The following STX11 variants were observed in gnomAD, a reference collection of about 807,000 sequenced individuals.
The protein encoded by STX11 is syntaxin 11.
In STX11, 21 loss-of-function variants were observed where a neutral mutation model predicts 19.9. The ratio of observed to expected loss-of-function variants is 1.06; its 90% CI spans 0.75 to 1.52. The LOEUF (loss-of-function observed/expected upper bound fraction) is 1.52, where lower values mean the gene tolerates loss of function less well. Ranked by LOEUF, STX11 falls within the 40% of genes most tolerant of loss-of-function variation. STX11 has a pLI of 0.00. For synonymous variants in STX11, 193 were observed against 174.4 expected, an observed-to-expected ratio of 1.11 and a Z score of -0.84; for missense variants, 438 against 405.9, an observed-to-expected ratio of 1.08 and a Z score of -0.68.
Position 144,172,090 on chromosome 6 carries a change from TA to T in STX11, c.-5-14530del, listed in dbSNP as rs1243915444. 2.6e-5 allele frequency among the ~76,000 whole-genome samples: 4 copies of T among 152,208 alleles called. No individual in the cohort carries two copies. The highest frequency in any genetic ancestry group is 6.5e-5 in the Admixed American group (1 of 15,274). ...TTCACAGCAGCCTCCATGTCTTCTT[TA>T]AAGAAGAATACACCTTAAGGAGCAT... On this transcript the variant is annotated intron_variant, in intron 1 of 1. Transcript: ENST00000367568. This position sits in a 1 kb window ranked among gnomAD's most constrained non-coding sequence, Gnocchi z 4.2.
rs73582906 is a variant in STX11, at chr6:144,154,796, G to A, written c.-6+4093G>A. Among the ~76,000 whole-genome samples, 2,530 of 151,570 alleles carry A rather than the reference G, an allele frequency of 0.017. 82 individuals are homozygous for A. The highest frequency in any genetic ancestry group is 0.059 in the African/African-American group (2,407 of 40,870). ...TCCAGAATTTTATTAAGTGAGTCTGGTCCTGCTGTGTCTCCTGTCCTCTTG... is the reference window on the plus strand; with the variant it reads ...TCCAGAATTTTATTAAGTGAGTCTGATCCTGCTGTGTCTCCTGTCCTCTTG... On this transcript the variant is annotated intron_variant, in intron 1 of 1. Coordinates refer to ENST00000367568, the MANE Select transcript of STX11 (RefSeq NM_003764.4). This position sits in a 1 kb window ranked among gnomAD's most constrained non-coding sequence, Gnocchi z 4.7.
Position 144,156,024 on chromosome 6 carries a change from C to CCTTCCTTCCTTCCTTCCT in STX11, c.-6+5321_-6+5322insCTTCCTTCCTTCCTTCCT, listed in dbSNP as rs1562655655. Among the ~76,000 whole-genome samples the CCTTCCTTCCTTCCTTCCT allele has an allele frequency of 7.9e-4, 81 of 102,848 alleles. 2 individuals are homozygous for CCTTCCTTCCTTCCTTCCT. The highest frequency in any genetic ancestry group is 4.5e-3 in the African/African-American group (76 of 16,988). The allele number at this position is 102,848 out of a possible 152,430, so 67.5% of individuals were successfully genotyped here. A position where few individuals can be genotyped will look rare whatever the true frequency, so the allele number is the denominator to read the frequency against. On this transcript the variant is annotated intron_variant, in intron 1 of 1. Transcript: ENST00000367568. ...TTTCTTTCTTTCTTTCTCTCTTTCT[C>CCTTCCTTCCTTCCTTCCT]TCCTTCCTTCCTTCCTTCCTTCCTT...
chr6:144,140,560 C>T, the STX11 span, among the ~76,000 whole-genome samples: 1 of 151,926 alleles, frequency 6.6e-6, no homozygotes, highest in Non-Finnish European at 1.5e-5. Context: ...TGGCCCAATT[C>T]ATCATTTGAA....
rs565588474 is a variant in STX11, at chr6:144,190,950, G to A, written c.*3459G>A. Among the ~76,000 whole-genome samples, 3 of 152,122 alleles carry A rather than the reference G, an allele frequency of 2.0e-5. No homozygotes were observed. Among genetic ancestry groups the A allele is most frequent in the Non-Finnish European group, 4.4e-5 (3 of 68,032 alleles). ...TTGTGTTCTAGTGCCACCAAGAGAT[G>A]CTGTAGAGCTGGCTTTACCAATCTC... On this transcript the variant is annotated 3_prime_UTR_variant, in exon 2 of 2. Coordinates refer to ENST00000367568, the MANE Select transcript of STX11 (RefSeq NM_003764.4).
chr6:144,164,714 A>G (rs1262720651), intron 1 of STX11, among the ~76,000 whole-genome samples: 1 of 152,098 alleles, frequency 6.6e-6, no homozygotes, highest in Non-Finnish European at 1.5e-5. Flanking sequence ...ATTTTTTGAG[A>G]CAGAGTTTTG....
the STX11 span, among the ~76,000 whole-genome samples, chr6:144,139,979 C>T: frequency 6.6e-6 from 1 of 151,722 alleles, no homozygotes; most frequent in Non-Finnish European, 1.5e-5. Context: ...CTGCTTTCAA[C>T]ACCCTGAGTG....
rs1801882966 is a variant in STX11, at chr6:144,180,453, T to C, written c.-5-6170T>C. Among the ~76,000 whole-genome samples the C allele has an allele frequency of 6.6e-6, 1 of 152,222 alleles. No individual in the cohort carries two copies. The highest frequency in any genetic ancestry group is 6.5e-5 in the Admixed American group (1 of 15,282). ...GTGGGAGGGACCCAGGGGAAGGTAA[T>C]TGAATCCTGGGGATTGGTCTTCCCT... On this transcript the variant is annotated intron_variant, in intron 1 of 1. Transcript: ENST00000367568. This position sits in a 1 kb window ranked among gnomAD's most constrained non-coding sequence, Gnocchi z 5.3.
chr6:144,181,220 A>G (rs1218287311), intron 1 of STX11, among the ~76,000 whole-genome samples: 2 of 152,080 alleles, frequency 1.3e-5, no homozygotes, highest in African/African-American at 2.4e-5. Flanking sequence ...TTCCTTCTCT[A>G]TCAGGTTTTT....
intron 1 of STX11, among the ~76,000 whole-genome samples, chr6:144,157,597 G>A (rs931656693): frequency 6.6e-6 from 1 of 152,180 alleles, no homozygotes; most frequent in East Asian, 1.9e-4. Flanking sequence ...TTTTAGAATA[G>A]TTGACCAGAG....
intron 1 of STX11, among the ~76,000 whole-genome samples, chr6:144,157,231 C>T (rs949252018): frequency 1.3e-5 from 2 of 152,168 alleles, no homozygotes; most frequent in Admixed American, 6.5e-5. Context: ...TGCACAACAG[C>T]GGCCTCAACA....
At chr6:144,143,225 G>A in the STX11 span, among the ~76,000 whole-genome samples, 2 of 152,148 alleles carry the variant, frequency 1.3e-5, no homozygotes, top group East Asian at 3.9e-4. Context: ...GCTAATAAGT[G>A]GATTGAAATA....
upstream of STX11, chr6:144,150,388 C>G (rs1238736267): frequency 4.4e-6 from 3 of 682,146 alleles, no homozygotes; most frequent in South Asian, 6.5e-5. Context: ...CGCATGGACT[C>G]TGGGTGGGGC....
Position 144,161,517 on chromosome 6 carries a change from G to A in STX11, c.-6+10814G>A, listed in dbSNP as rs191016953. 1.5e-3 allele frequency among the ~76,000 whole-genome samples: 233 copies of A among 152,154 alleles called. 1 individual carries two copies. Among genetic ancestry groups the A allele is most frequent in the Middle Eastern group, 0.014 (4 of 294 alleles). ...CTAGTAGCTAGGATTACAGGCGCCCGCCACCACGTCCAGCTAATTTTTGTA... is the reference window on the plus strand; with the variant it reads ...CTAGTAGCTAGGATTACAGGCGCCCACCACCACGTCCAGCTAATTTTTGTA... On this transcript the variant is annotated intron_variant, in intron 1 of 1. Transcript: ENST00000367568.
In STX11 at chr6:144,172,014, T is replaced by G. The variant is rs1242836825; in HGVS notation, c.-5-14609T>G. 6.6e-6 allele frequency among the ~76,000 whole-genome samples: 1 copy of G among 152,224 alleles called. No homozygotes were observed. Among genetic ancestry groups the G allele is most frequent in the Non-Finnish European group, 1.5e-5 (1 of 68,032 alleles). ...TTTTAAAATCATAACAATAAACTTT[T>G]GTTTTAAATGCACGAGAATTTACTT... On this transcript the variant is annotated intron_variant, in intron 1 of 1. Transcript: ENST00000367568. The surrounding 1 kb of genome is among the most constrained non-coding windows in gnomAD (Gnocchi z 4.2).
rs1434522263 is a variant in STX11 at position 144,159,524 on chromosome 6, GT to G, written c.-6+8822del. On this transcript the variant is annotated intron_variant, in intron 1 of 1. Transcript: ENST00000367568. The surrounding 1 kb of genome is among the most constrained non-coding windows in gnomAD (Gnocchi z 4.3). ...CTAGTTCAAAATTGACTCTGTGTGT[GT>G]GTGTGTGTGTGTCCGTCCAGTATGT... 3.9e-5 allele frequency among the ~76,000 whole-genome samples: 6 copies of G among 152,224 alleles called. No individual in the cohort carries two copies. The highest frequency in any genetic ancestry group is 3.9e-4 in the Admixed American group (6 of 15,288).
chr6:144,180,039 G>T lies in STX11; in HGVS notation c.-5-6584G>T, dbSNP rs963266244. ...CTGTGTGTGTGTGTATCTACAAGCT[G>T]ATCTCCATAATAAGCTTCACAAGGT... On this transcript the variant is annotated intron_variant, in intron 1 of 1. Transcript: ENST00000367568. The surrounding 1 kb of genome is among the most constrained non-coding windows in gnomAD (Gnocchi z 5.3). Among the ~76,000 whole-genome samples, 7 of 152,092 alleles carry T rather than the reference G, an allele frequency of 4.6e-5. No individual in the cohort carries two copies. In the East Asian group the frequency reaches 1.4e-3, roughly 29 times the overall value.
In STX11 at chr6:144,189,324, A is replaced by AT. The variant is rs1380010987; in HGVS notation, c.*1841dup. 2.6e-5 allele frequency among the ~76,000 whole-genome samples: 4 copies of AT among 152,202 alleles called. No individual in the cohort carries two copies. The East Asian group carries it at 7.7e-4, about 29-fold the overall frequency. ...GGCCTGAGCCACTGACCCTGGCCAA[A>AT]TTTTTTTTCTACTAGCTACTGAGGC... On this transcript the variant is annotated 3_prime_UTR_variant, in exon 2 of 2. Transcript: ENST00000367568.
the STX11 span, among the ~76,000 whole-genome samples, chr6:144,141,614 G>A: frequency 6.6e-6 from 1 of 152,080 alleles, no homozygotes; most frequent in South Asian, 2.1e-4. Context: ...ATAACAAGAT[G>A]AAAAAAATCA....
At position 144,155,968 on chromosome 6, in the gene STX11, TTCTTTCTTTC is replaced by T. The variant is rs1801131618; in HGVS notation, c.-6+5267_-6+5276del. Among the ~76,000 whole-genome samples the T allele has an allele frequency of 7.8e-6, 1 of 128,342 alleles. No homozygotes were observed. Among genetic ancestry groups the T allele is most frequent in the Non-Finnish European group, 1.5e-5 (1 of 65,438 alleles). 84.2% of individuals were successfully genotyped at this position (128,342 alleles called of 152,430 possible). A position where few individuals can be genotyped will look rare whatever the true frequency, so the allele number is the denominator to read the frequency against. On this transcript the variant is annotated intron_variant, in intron 1 of 1. Transcript: ENST00000367568. This position sits in a 1 kb window ranked among gnomAD's most constrained non-coding sequence, Gnocchi z 4.5. ...TTTCTTTCTTTCTTTCTTTCTTTCT[TTCTTTCTTTC>T]TTTCTTTCTTTCTTTCTTTCTTTCT...
Sources: gnomAD v4.1 joint callset for allele counts (sites outside exome capture counted in the v4.1 genomes callset) on GRCh38, gnomAD v4.1.1 for gene constraint, Gnocchi (gnomAD v3.1) non-coding constraint, MANE v1.5 for transcripts, NCBI Gene and HGNC (gene_info 2026-07-23, HGNC 2026-07-21) for gene names.